The following MECOM variants were observed in gnomAD, a reference collection of about 807,000 sequenced individuals.
The protein encoded by MECOM is histone-lysine N-methyltransferase MECOM.
A neutral mutation model predicts 116.3 loss-of-function variants in MECOM; 13 were observed. The ratio of observed to expected loss-of-function variants is 0.11; its 90% CI spans 0.07 to 0.18. The LOEUF is 0.18. MECOM is among the 10% of genes least tolerant of loss of function. The pLI is 1.00. For missense variants in MECOM, 1,299 were observed against 1,509.0 expected (o/e 0.86, Z 2.31); for synonymous variants, 528 against 535.2 (o/e 0.99, Z 0.19).
At chr3:169,620,257 T>A (rs1770552907) in intron 1 of MECOM, among the ~76,000 whole-genome samples, 1 of 152,246 alleles carries the variant, frequency 6.6e-6, no homozygotes, top group Non-Finnish European at 1.5e-5. Flanking sequence ...TGGCTTCCAA[T>A]GCCCATAATG....
intron 1 of MECOM, among the ~76,000 whole-genome samples, chr3:169,504,324 T>G (rs1455495715): frequency 6.6e-6 from 1 of 151,978 alleles, no homozygotes; most frequent in Non-Finnish European, 1.5e-5. Context: ...TCGATGGGGA[T>G]GCTAAAATCC....
chr3:169,559,266 C>G (rs943716516), intron 1 of MECOM, among the ~76,000 whole-genome samples: 2 of 152,162 alleles, frequency 1.3e-5, no homozygotes, highest in African/African-American at 4.8e-5. Flanking sequence ...TAGCCGGGCT[C>G]TATATTCTTG....
intron 1 of MECOM, among the ~76,000 whole-genome samples, chr3:169,493,077 C>T (rs1454706474): frequency 1.2e-4 from 18 of 152,274 alleles, no homozygotes; most frequent in Admixed American, 2.6e-4. Context: ...CTTGTTCAAG[C>T]GCTGAAACTT....
intron 2 of MECOM, among the ~76,000 whole-genome samples, chr3:169,207,731 A>T (rs1395179188): frequency 6.6e-6 from 1 of 152,216 alleles, no homozygotes; most frequent in Admixed American, 6.5e-5. Flanking sequence ...CAAAAATCAC[A>T]AATGATACAA....
At chr3:169,583,718 C>T (rs74412000) in intron 1 of MECOM, among the ~76,000 whole-genome samples, 7,715 of 151,270 alleles carry the variant, frequency 0.051, 433 homozygotes, top group East Asian at 0.33. Context: ...AAACAGAACT[C>T]ACTACAGCCT....
chr3:169,390,499 TGTTGTTGATG>T (rs1227861438), intron 1 of MECOM, among the ~76,000 whole-genome samples: 1 of 152,172 alleles, frequency 6.6e-6, no homozygotes, highest in Non-Finnish European at 1.5e-5. Flanking sequence ...AATTTGTTTA[TGTTGTTGATG>T]GTGGTTTCAG....
At chr3:169,281,005 A>G (rs1319480557) in intron 2 of MECOM, among the ~76,000 whole-genome samples, 1 of 152,222 alleles carries the variant, frequency 6.6e-6, no homozygotes, top group Non-Finnish European at 1.5e-5. Flanking sequence ...ACCAATTTCA[A>G]AGCCTTTGGC....
At position 169,115,794 on chromosome 3, in the gene MECOM, G is replaced by C; in HGVS notation, c.2078C>G (p.Ser693Cys). The C allele has an allele frequency of 6.2e-7, 1 of 1,614,106 alleles. No individual in the cohort carries two copies. Among genetic ancestry groups the C allele is most frequent in the Non-Finnish European group, 8.5e-7 (1 of 1,180,014 alleles). Residue 693 changes from serine (S) to cysteine (C), a missense_variant, in exon 8 of 17, where the codon TCC (serine) becomes TGC (cysteine). Transcript: ENST00000651503. ...DKKVGALPYP[S>C]MFPLPFFPAF... is the part of the protein sequence containing the mutation. ...TGGAAAAAATGGGAGGGGAAACATGGAAGGGTAAGGTAAAGCTCCAACTTT... is the reference window on the plus strand; with the variant it reads ...TGGAAAAAATGGGAGGGGAAACATGCAAGGGTAAGGTAAAGCTCCAACTTT...
At chr3:169,153,695 T>C (rs972197931) in intron 2 of MECOM, among the ~76,000 whole-genome samples, 2 of 152,184 alleles carry the variant, frequency 1.3e-5, no homozygotes, top group Non-Finnish European at 2.9e-5. Flanking sequence ...GAAGCTTGAT[T>C]TTCCTCCTCT....
intron 2 of MECOM, among the ~76,000 whole-genome samples, chr3:169,275,496 T>C (rs1018369634): frequency 2.0e-5 from 3 of 152,232 alleles, no homozygotes; most frequent in African/African-American, 7.2e-5. Context: ...CAGGAAGATT[T>C]GATAATGTTC....
chr3:169,525,296 G>C (rs1206351052), intron 1 of MECOM, among the ~76,000 whole-genome samples: 1 of 152,146 alleles, frequency 6.6e-6, no homozygotes, highest in Non-Finnish European at 1.5e-5. Flanking sequence ...AAAGTATATA[G>C]TATTACAGTA....
At chr3:169,407,444 TCAC>T (rs1736878434) in intron 1 of MECOM, among the ~76,000 whole-genome samples, 2 of 151,452 alleles carry the variant, frequency 1.3e-5, no homozygotes, top group Admixed American at 1.3e-4. Context: ...TCTTACCAGT[TCAC>T]AAAAACATTT....
chr3:169,463,687 C>T (rs1194198825), intron 1 of MECOM, among the ~76,000 whole-genome samples: 4 of 152,052 alleles, frequency 2.6e-5, no homozygotes, highest in South Asian at 4.1e-4. Context: ...GATAGTAAAA[C>T]CTTAAATATT....
intron 1 of MECOM, among the ~76,000 whole-genome samples, chr3:169,490,418 T>C (rs1578249683): frequency 6.6e-6 from 1 of 152,178 alleles, no homozygotes; most frequent in Non-Finnish European, 1.5e-5. Flanking sequence ...CTGTTTGTGA[T>C]AACAGAAAAG....
At chr3:169,654,171 A>C (rs746036734) in intron 1 of MECOM, among the ~76,000 whole-genome samples, 3 of 152,234 alleles carry the variant, frequency 2.0e-5, no homozygotes, top group Non-Finnish European at 4.4e-5. Flanking sequence ...TAAAGTGCTC[A>C]GTCAAATCTT....
At chr3:169,257,197 T>G (rs978369499) in intron 2 of MECOM, among the ~76,000 whole-genome samples, 8 of 152,254 alleles carry the variant, frequency 5.3e-5, no homozygotes, top group Admixed American at 4.6e-4. Context: ...ACCTAAGCTT[T>G]CAGCGGAGGC....
At chr3:169,292,514 A>C (rs553677228) in intron 2 of MECOM, among the ~76,000 whole-genome samples, 24 of 152,256 alleles carry the variant, frequency 1.6e-4, no homozygotes, top group African/African-American at 5.8e-4. Flanking sequence ...CCAGAATTCT[A>C]CTGTGAGCTC....
intron 1 of MECOM, among the ~76,000 whole-genome samples, chr3:169,389,866 T>A (rs975957076): frequency 6.6e-6 from 1 of 152,270 alleles, no homozygotes; most frequent in African/African-American, 2.4e-5. Context: ...AATTTACTGA[T>A]GACGGAACAC....
intron 1 of MECOM, among the ~76,000 whole-genome samples, chr3:169,485,980 A>AC (rs1372315363): frequency 3.4e-5 from 4 of 118,846 alleles, no homozygotes; most frequent in African/African-American, 1.4e-4. Flanking sequence ...ATACATATAT[A>AC]TATAGTATAT....
Sources: allele counts gnomAD v4.1 joint callset (sites outside exome capture counted in the v4.1 genomes callset), GRCh38; gene constraint gnomAD v4.1.1; transcripts MANE v1.5; gene names NCBI Gene and HGNC (gene_info 2026-07-23, HGNC 2026-07-21).